TBCEL: variants seen among roughly 807,000 people sequenced by gnomAD.
TBCEL encodes the protein tubulin folding cofactor E like.
A neutral mutation model predicts 44.2 loss-of-function variants in TBCEL; 15 were observed. That is an observed-to-expected ratio of 0.34 (90% CI 0.23 to 0.52). The LOEUF (loss-of-function observed/expected upper bound fraction) is 0.52. Among genes scored for constraint, TBCEL ranks in the 20% least tolerant of loss-of-function variants. The pLI is 0.95. For missense variants in TBCEL, 319 were observed against 506.3 expected (o/e 0.63, Z 3.55); for synonymous variants, 171 against 185.4 (o/e 0.92, Z 0.63).
rs182842834 is a variant in TBCEL at position 121,087,976 on chromosome 11, T to C, written c.*880T>C. 7.2e-5 allele frequency: 11 copies of C among 152,364 alleles called. No individual in the cohort carries two copies. Among genetic ancestry groups the C allele is most frequent in the Admixed American group, 5.9e-4 (9 of 15,302 alleles). The allele number at this position is 152,364 out of a possible 1,614,324, so 9.4% of individuals were successfully genotyped here. A position where few individuals can be genotyped will look rare whatever the true frequency, so the allele number is the denominator to read the frequency against. On this transcript the variant is annotated 3_prime_UTR_variant, in exon 9 of 9. Coordinates refer to ENST00000683345, the MANE Select transcript of TBCEL (RefSeq NM_001363644.2). Reference sequence around the variant, plus strand: ...GAATGTATTTCCTCATATCTTTCTTTTTCATTACTTTAAACTATTGGGAAT... The same window carrying C: ...GAATGTATTTCCTCATATCTTTCTTCTTCATTACTTTAAACTATTGGGAAT...
chr11:121,082,448 G>A (rs1391826186), intron 8 of TBCEL, among the ~76,000 whole-genome samples: 1 of 152,178 alleles, frequency 6.6e-6, no homozygotes, highest in Non-Finnish European at 1.5e-5. Flanking sequence ...GAAAAACTCT[G>A]TTTTTGAAGG....
In TBCEL at chr11:121,048,235, T is replaced by C. The variant is rs149019232; in HGVS notation, c.273+568T>C. On this transcript the variant is annotated intron_variant, in intron 4 of 8. Coordinates refer to ENST00000683345, the MANE Select transcript of TBCEL (RefSeq NM_001363644.2). ...GACATAAAATTGTTGAAACTGAGAATATATATAAATATATTTATTCTTGTT... is the reference window on the plus strand; with the variant it reads ...GACATAAAATTGTTGAAACTGAGAACATATATAAATATATTTATTCTTGTT... 6.7e-3 allele frequency among the ~76,000 whole-genome samples: 1,013 copies of C among 151,984 alleles called. 3 individuals carry two copies. The highest frequency in any genetic ancestry group is 0.011 in the Non-Finnish European group (775 of 67,900).
At chr11:121,028,222 T>A (rs1269121296) in intron 1 of TBCEL, among the ~76,000 whole-genome samples, 1 of 148,450 alleles carries the variant, frequency 6.7e-6, no homozygotes, top group African/African-American at 2.5e-5. Context: ...AATAAATAAA[T>A]AAAATAAAAT....
chr11:121,066,915 A>G (rs1945831852), intron 8 of TBCEL, among the ~76,000 whole-genome samples: 1 of 152,302 alleles, frequency 6.6e-6, no homozygotes, highest in East Asian at 1.9e-4. Context: ...CATTTATTTA[A>G]AGAAAAACAT....
intron 8 of TBCEL, among the ~76,000 whole-genome samples, chr11:121,070,496 A>G (rs377024816): frequency 1.3e-5 from 2 of 152,238 alleles, no homozygotes; most frequent in East Asian, 1.9e-4. Context: ...AATGTGGCAC[A>G]TATACACCAT....
At chr11:121,068,070 G>A (rs183366369) in intron 8 of TBCEL, among the ~76,000 whole-genome samples, 13 of 152,222 alleles carry the variant, frequency 8.5e-5, no homozygotes, top group Non-Finnish European at 4.4e-5. Flanking sequence ...AGCCAGTCCC[G>A]AGGCTTTCAG....
chr11:121,080,020 T>C (rs1333721445), intron 8 of TBCEL, among the ~76,000 whole-genome samples: 1 of 152,146 alleles, frequency 6.6e-6, no homozygotes, highest in Non-Finnish European at 1.5e-5. Flanking sequence ...TTTCACCATG[T>C]TGGCCAGACT....
At chr11:121,078,208 A>C (rs1328841951) in intron 8 of TBCEL, among the ~76,000 whole-genome samples, 1 of 152,152 alleles carries the variant, frequency 6.6e-6, no homozygotes, top group East Asian at 1.9e-4. Context: ...AATTACTGAG[A>C]GGAGTATTGA....
chr11:121,085,186 G>A (rs139931504), intron 8 of TBCEL, among the ~76,000 whole-genome samples: 2,567 of 151,794 alleles, frequency 0.017, 77 homozygotes, highest in African/African-American at 0.059. Flanking sequence ...CTACAGGCGC[G>A]CACCACCACC....
At chr11:121,054,800 A>G (rs1397145056) in intron 5 of TBCEL, 11 of 315,164 alleles carry the variant, frequency 3.5e-5, no homozygotes, top group Non-Finnish European at 5.7e-5. Context: ...TTAATTTAGT[A>G]CTTAATTATT....
At chr11:121,033,567 A>G (rs1945179565) in intron 1 of TBCEL, among the ~76,000 whole-genome samples, 1 of 152,240 alleles carries the variant, frequency 6.6e-6, no homozygotes, top group Non-Finnish European at 1.5e-5. Flanking sequence ...AGTAGGAATC[A>G]GAAATGGTAG....
rs560478213 is a variant in TBCEL, at chr11:121,053,569, A to C, written c.292A>C (p.Asn98His). 7.3e-5 allele frequency: 118 copies of C among 1,612,034 alleles called. No individual in the cohort carries two copies. The highest frequency in any genetic ancestry group is 9.3e-5 in the Non-Finnish European group (110 of 1,178,734). Residue 98 changes from asparagine to histidine, a missense_variant, in exon 5 of 9, where the codon AAT (asparagine) becomes CAT (histidine). Transcript: ENST00000683345. Reference protein sequence around the residue: ...DWHEVSKIVSNVPQLEFLNLS... With the variant: ...DWHEVSKIVSHVPQLEFLNLS... ...TCCTTAGGTCAGTAAAATTGTGTCA[A>C]ATGTTCCTCAGTTGGAGTTTCTAAA...
At chr11:121,073,043 A>G (rs1945966301) in intron 8 of TBCEL, among the ~76,000 whole-genome samples, 1 of 152,086 alleles carries the variant, frequency 6.6e-6, no homozygotes, top group South Asian at 2.1e-4. Flanking sequence ...CAACATTGGT[A>G]AATTACTTTA....
At chr11:121,052,016 A>G (rs569888736) in intron 4 of TBCEL, among the ~76,000 whole-genome samples, 21 of 151,966 alleles carry the variant, frequency 1.4e-4, no homozygotes, top group African/African-American at 4.6e-4. Context: ...AAAGATATTC[A>G]GGTTGCAACC....
rs1032735385 is a variant in TBCEL, at chr11:121,045,965, T to G, written c.133+142T>G. The G allele has an allele frequency of 2.0e-5, 20 of 1,024,072 alleles. No individual in the cohort carries two copies. The Admixed American group carries it at 4.7e-4, about 24-fold the overall frequency. 63.4% of individuals were successfully genotyped at this position (1,024,072 alleles called of 1,614,324 possible). ...TTCCCCCTTGTTATGATTTCAGTTT[T>G]CTAAAGAACGTAACAGGACTGGTTT... On this transcript the variant is annotated intron_variant, in intron 3 of 8. Coordinates refer to ENST00000683345, the MANE Select transcript of TBCEL (RefSeq NM_001363644.2).
At chr11:121,083,405 G>T (rs1479299301) in intron 8 of TBCEL, among the ~76,000 whole-genome samples, 1 of 152,194 alleles carries the variant, frequency 6.6e-6, no homozygotes, top group African/African-American at 2.4e-5. Flanking sequence ...AGTTTCCAGT[G>T]CCACTTACTG....
chr11:121,038,480 G>C (rs1377470337), intron 2 of TBCEL, among the ~76,000 whole-genome samples: 3 of 151,964 alleles, frequency 2.0e-5, no homozygotes, highest in African/African-American at 7.3e-5. Context: ...AAATGTATAA[G>C]AATCTGGCAA....
chr11:121,031,299 C>G (rs1016806546), intron 1 of TBCEL, among the ~76,000 whole-genome samples: 1 of 152,208 alleles, frequency 6.6e-6, no homozygotes, highest in Non-Finnish European at 1.5e-5. Flanking sequence ...AGTTGATACT[C>G]CCACTGGCTA....
intron 8 of TBCEL, among the ~76,000 whole-genome samples, chr11:121,071,508 G>A (rs1164490880): frequency 1.3e-5 from 2 of 152,124 alleles, no homozygotes; most frequent in African/African-American, 4.8e-5. Flanking sequence ...AGAGACGGTG[G>A]CAATGCCAGA....
Sources: allele counts gnomAD v4.1 joint callset (sites outside exome capture counted in the v4.1 genomes callset), GRCh38; gene constraint gnomAD v4.1.1; transcripts MANE v1.5; gene names NCBI Gene and HGNC (gene_info 2026-07-23, HGNC 2026-07-21).